The following LINC00237 variants were observed in gnomAD, a reference collection of about 807,000 sequenced individuals.
LINC00237 encodes long independently transcribed non-coding RNA 237, also known as long intergenic non-protein coding RNA 237.
exon 2 of LINC00237, chr20:21,093,797 C>G (rs2030822132): frequency 6.6e-6 from 1 of 152,298 alleles, no homozygotes; most frequent in Non-Finnish European, 1.5e-5. Flanking sequence ...GTTTCTCCTT[C>G]CTTCAGCATC....
intron 1 of LINC00237, among the ~76,000 whole-genome samples, chr20:21,105,629 C>G (rs6047250): frequency 7.2e-4 from 109 of 152,330 alleles, no homozygotes; most frequent in Admixed American, 1.3e-3. Flanking sequence ...CCTGAGCCCC[C>G]CTAAACGACC....
At chr20:21,104,369 G>A (rs553858418) in intron 1 of LINC00237, among the ~76,000 whole-genome samples, 1 of 152,390 alleles carries the variant, frequency 6.6e-6, no homozygotes, top group South Asian at 2.1e-4. Flanking sequence ...ACCCCGAGGT[G>A]GAGCGTCAGC....
chr20:21,101,000 T>C (rs970543856), intron 1 of LINC00237, among the ~76,000 whole-genome samples: 5 of 151,628 alleles, frequency 3.3e-5, no homozygotes, highest in African/African-American at 4.9e-5. Context: ...GACAACAATA[T>C]CAATTAATCA....
chr20:21,105,661 G>C (rs1434234904), intron 1 of LINC00237, among the ~76,000 whole-genome samples: 1 of 152,158 alleles, frequency 6.6e-6, no homozygotes, highest in Non-Finnish European at 1.5e-5. Context: ...AAAGAGTGCC[G>C]GCCAGGAGTC....
chr20:21,100,013 T>G (rs1012147224), intron 1 of LINC00237, among the ~76,000 whole-genome samples: 5 of 152,236 alleles, frequency 3.3e-5, no homozygotes, highest in Admixed American at 3.3e-4. Flanking sequence ...TTAATTCTTA[T>G]GCAAATTCTG....
chr20:21,105,640 T>C (rs1230306767), intron 1 of LINC00237, among the ~76,000 whole-genome samples: 1 of 152,092 alleles, frequency 6.6e-6, no homozygotes, highest in Non-Finnish European at 1.5e-5. Flanking sequence ...CTAAACGACC[T>C]CTTCAGGAGA....
At chr20:21,103,584 A>G (rs949960699) in intron 1 of LINC00237, among the ~76,000 whole-genome samples, 31 of 152,296 alleles carry the variant, frequency 2.0e-4, no homozygotes, top group South Asian at 1.0e-3. Context: ...AAATGATCCT[A>G]TTTCTCAAAT....
chr20:21,102,324 T>A (rs1001579877), intron 1 of LINC00237, among the ~76,000 whole-genome samples: 1 of 152,188 alleles, frequency 6.6e-6, no homozygotes, highest in Non-Finnish European at 1.5e-5. Flanking sequence ...GAGGGGAATT[T>A]AAGTTTCCCA....
chr20:21,097,714 T>C (rs916919278), intron 1 of LINC00237, among the ~76,000 whole-genome samples: 1 of 152,304 alleles, frequency 6.6e-6, no homozygotes, highest in Non-Finnish European at 1.5e-5. Context: ...AGTGGTACTT[T>C]GGATTTTTCC....
intron 2 of LINC00237, among the ~76,000 whole-genome samples, chr20:21,088,601 T>C (rs1356277526): frequency 6.6e-6 from 1 of 152,152 alleles, no homozygotes; most frequent in Non-Finnish European, 1.5e-5. Context: ...AAAGTAGAAA[T>C]AGCCTAACAC....
intron 1 of LINC00237, among the ~76,000 whole-genome samples, chr20:21,103,423 C>A (rs1357702699): frequency 6.6e-6 from 1 of 152,190 alleles, no homozygotes; most frequent in Non-Finnish European, 1.5e-5. Flanking sequence ...CGGCTCGGGG[C>A]TGGCTTTGTA....
At chr20:21,100,574 C>T (rs1225740983) in intron 1 of LINC00237, among the ~76,000 whole-genome samples, 2 of 152,228 alleles carry the variant, frequency 1.3e-5, no homozygotes, top group Non-Finnish European at 2.9e-5. Context: ...GCTTTTACAA[C>T]CGCTAACCCC....
chr20:21,098,269 A>C (rs1438246922), intron 1 of LINC00237, among the ~76,000 whole-genome samples: 1 of 152,198 alleles, frequency 6.6e-6, no homozygotes, highest in Non-Finnish European at 1.5e-5. Context: ...GAAATTAATA[A>C]TAGGATGCAG....
At chr20:21,087,022 C>G (rs2030721105) in intron 3 of LINC00237, among the ~76,000 whole-genome samples, 1 of 139,296 alleles carries the variant, frequency 7.2e-6, no homozygotes, top group Admixed American at 7.3e-5. Context: ...TATATATGTA[C>G]TCTATATAGT....
At chr20:21,085,755 T>G (rs550597332) in exon 4 of LINC00237, among the ~76,000 whole-genome samples, 1 of 152,320 alleles carries the variant, frequency 6.6e-6, no homozygotes. Context: ...GTGAGTTCAC[T>G]TTGTAGGATT....
Position 21,086,164 on chromosome 20 carries a change from C to T in LINC00237, n.560-276G>A, listed in dbSNP as rs1391550698. ...AATCTGCCCCTCCTCAGACAGAGAC[C>T]CATCTCTAACTTCCAAGGCTATTCA... On this transcript the variant is annotated intron_variant and non_coding_transcript_variant, in intron 3 of 3. Transcript: ENST00000691244. 3.3e-5 allele frequency among the ~76,000 whole-genome samples: 5 copies of T among 152,132 alleles called. No individual in the cohort carries two copies. The South Asian group carries it at 1.0e-3, about 32-fold the overall frequency.
At chr20:21,100,685 T>C (rs751571707) in intron 1 of LINC00237, among the ~76,000 whole-genome samples, 21 of 152,318 alleles carry the variant, frequency 1.4e-4, no homozygotes, top group South Asian at 2.1e-4. Context: ...CGAAATAAGA[T>C]TTAATTGTCT....
chr20:21,095,292 G>A (rs555026119), intron 1 of LINC00237, among the ~76,000 whole-genome samples: 2 of 152,280 alleles, frequency 1.3e-5, no homozygotes, highest in East Asian at 3.9e-4. Context: ...GTGGAGACAG[G>A]CCCTGGGAGG....
At chr20:21,090,776 AACACCTCATT>A (rs1400938382) in intron 2 of LINC00237, among the ~76,000 whole-genome samples, 1 of 152,090 alleles carries the variant, frequency 6.6e-6, no homozygotes. Context: ...TGATTCCAGG[AACACCTCATT>A]ACACGCCGGA....
Sources: gnomAD v4.1 joint callset for allele counts (sites outside exome capture counted in the v4.1 genomes callset) on GRCh38, gnomAD v4.1.1 for gene constraint, MANE v1.5 for transcripts, NCBI Gene and HGNC (gene_info 2026-07-23, HGNC 2026-07-21) for gene names.